Variants in ARHGAP32 observed in about 807,000 individuals in gnomAD.
ARHGAP32 encodes rho GTPase-activating protein 32.
In ARHGAP32, 51 loss-of-function variants were observed where a neutral mutation model predicts 186.5. That is an observed-to-expected ratio of 0.27 (90% CI 0.22 to 0.35). The LOEUF is 0.35. Ranked by LOEUF, ARHGAP32 falls within the 10% of genes least tolerant of loss-of-function variation. The pLI, the probability that ARHGAP32 is intolerant of heterozygous loss-of-function variation, is 1.00. For missense variants in ARHGAP32, 2,186 were observed against 2,623.5 expected (o/e 0.83, Z 3.64); for synonymous variants, 950 against 964.3 (o/e 0.99, Z 0.27).
chr11:129,142,781 C>G (rs1943084537), intron 2 of ARHGAP32, among the ~76,000 whole-genome samples: 1 of 151,110 alleles, frequency 6.6e-6, no homozygotes, highest in Admixed American at 6.6e-5. Context: ...TCAAAGTGTT[C>G]TTTCTGTATA....
intron 15 of ARHGAP32, among the ~76,000 whole-genome samples, chr11:128,984,971 T>C (rs536283587): frequency 6.6e-6 from 1 of 152,332 alleles, no homozygotes; most frequent in South Asian, 2.1e-4. Context: ...CAATTTATGA[T>C]TTTTTGACGT....
intron 1 of ARHGAP32, among the ~76,000 whole-genome samples, chr11:129,218,650 A>G (rs1472693141): frequency 2.0e-5 from 3 of 152,188 alleles, no homozygotes; most frequent in Non-Finnish European, 4.4e-5. Context: ...AGGAAGACAG[A>G]ACGGGGGAAA....
intron 2 of ARHGAP32, among the ~76,000 whole-genome samples, chr11:129,131,281 G>A (rs1013681832): frequency 1.3e-5 from 2 of 151,944 alleles, no homozygotes; most frequent in African/African-American, 2.4e-5. Context: ...ACTCACTTAT[G>A]TGTGTGTGTG....
intron 11 of ARHGAP32, among the ~76,000 whole-genome samples, chr11:129,037,896 T>A (rs1343995689): frequency 2.0e-5 from 3 of 151,108 alleles, no homozygotes; most frequent in Non-Finnish European, 4.4e-5. Context: ...ATGTCAGGAG[T>A]TTAAGACCAG....
At chr11:129,131,599 G>T (rs1209331575) in intron 2 of ARHGAP32, among the ~76,000 whole-genome samples, 1 of 151,978 alleles carries the variant, frequency 6.6e-6, no homozygotes, top group Non-Finnish European at 1.5e-5. Flanking sequence ...GATCTCGTAA[G>T]AACTCGCTCA....
chr11:129,125,372 TCTTAA>T (rs1942636626), intron 2 of ARHGAP32, among the ~76,000 whole-genome samples: 1 of 152,112 alleles, frequency 6.6e-6, no homozygotes, highest in African/African-American at 2.4e-5. Flanking sequence ...AGTGGTGAAT[TCTTAA>T]CTTCAGTGAT....
intron 1 of ARHGAP32, among the ~76,000 whole-genome samples, chr11:129,237,571 T>C (rs1458490094): frequency 6.6e-6 from 1 of 152,134 alleles, no homozygotes; most frequent in African/African-American, 2.4e-5. Context: ...GGTGGGGACA[T>C]GAACAGAGGC....
chr11:129,227,021 CCTAATT>C (rs1355031245), intron 1 of ARHGAP32, among the ~76,000 whole-genome samples: 1 of 151,812 alleles, frequency 6.6e-6, no homozygotes, highest in Non-Finnish European at 1.5e-5. Flanking sequence ...TCTTCTTCTA[CCTAATT>C]TAAAAGACTG....
intron 2 of ARHGAP32, among the ~76,000 whole-genome samples, chr11:129,147,164 C>T (rs1374179265): frequency 6.6e-6 from 1 of 151,960 alleles, no homozygotes; most frequent in African/African-American, 2.4e-5. Context: ...GGCACCTGCC[C>T]TCAAGGAGCT....
intron 1 of ARHGAP32, among the ~76,000 whole-genome samples, chr11:129,232,305 G>C (rs948761237): frequency 6.6e-6 from 1 of 152,128 alleles, no homozygotes; most frequent in African/African-American, 2.4e-5. Flanking sequence ...ACAGAGGGCT[G>C]TCTCCAAGAA....
intron 1 of ARHGAP32, among the ~76,000 whole-genome samples, chr11:129,276,056 C>G (rs192385603): frequency 6.6e-6 from 1 of 152,204 alleles, no homozygotes; most frequent in African/African-American, 2.4e-5. Context: ...GCAGGAAGAT[C>G]GCTTCAGCCC....
intron 1 of ARHGAP32, among the ~76,000 whole-genome samples, chr11:129,264,725 C>T (rs533108990): frequency 3.3e-5 from 5 of 152,008 alleles, no homozygotes; most frequent in South Asian, 2.1e-4. Context: ...GAGGTGGGCA[C>T]GGTAATCTAG....
chr11:129,058,234 C>CTATA (rs1224535942), intron 10 of ARHGAP32, among the ~76,000 whole-genome samples: 36 of 135,432 alleles, frequency 2.7e-4, no homozygotes, highest in South Asian at 9.1e-4. Context: ...CTCTCTCTCT[C>CTATA]TCTCTATATA....
At chr11:128,985,676 T>A (rs1945842077) in intron 15 of ARHGAP32, among the ~76,000 whole-genome samples, 1 of 151,942 alleles carries the variant, frequency 6.6e-6, no homozygotes, top group Non-Finnish European at 1.5e-5. Flanking sequence ...TAGTCAGCCA[T>A]CCCTTTGTCC....
intron 6 of ARHGAP32, among the ~76,000 whole-genome samples, chr11:129,089,441 G>A (rs971348824): frequency 2.0e-5 from 3 of 152,208 alleles, no homozygotes; most frequent in Non-Finnish European, 4.4e-5. Context: ...CCTAAAGACT[G>A]GGAAGCTACC....
At chr11:129,183,647 A>T (rs1258559521) in intron 1 of ARHGAP32, among the ~76,000 whole-genome samples, 1 of 152,124 alleles carries the variant, frequency 6.6e-6, no homozygotes, top group Non-Finnish European at 1.5e-5. Context: ...TTTTGCAGAT[A>T]GGAAAAGTGG....
intron 11 of ARHGAP32, among the ~76,000 whole-genome samples, chr11:129,008,876 T>C (rs929975993): frequency 2.0e-5 from 3 of 152,220 alleles, no homozygotes; most frequent in South Asian, 2.1e-4. Flanking sequence ...TTGTCACATA[T>C]AATATCACTA....
intron 2 of ARHGAP32, among the ~76,000 whole-genome samples, chr11:129,141,072 C>T (rs953297964): frequency 2.0e-5 from 3 of 152,060 alleles, no homozygotes; most frequent in South Asian, 2.1e-4. Context: ...CTGCACAGCA[C>T]CTTAATAATC....
At chr11:129,276,018 A>G (rs1945525014) in intron 1 of ARHGAP32, among the ~76,000 whole-genome samples, 1 of 152,370 alleles carries the variant, frequency 6.6e-6, no homozygotes, top group African/African-American at 2.4e-5. Context: ...GGCACAGGCC[A>G]GTAGTCCCAG....
Sources: allele counts gnomAD v4.1 joint callset (sites outside exome capture counted in the v4.1 genomes callset), GRCh38; gene constraint gnomAD v4.1.1; transcripts MANE v1.5; gene names NCBI Gene and HGNC (gene_info 2026-07-23, HGNC 2026-07-21).